DDR2: variants seen among roughly 807,000 people sequenced by gnomAD.
DDR2 encodes the protein discoidin domain receptor tyrosine kinase 2.
A neutral mutation model predicts 94.9 loss-of-function variants in DDR2; 27 were observed. That is an observed-to-expected ratio of 0.28 (90% confidence interval 0.21 to 0.39). DDR2 has a LOEUF of 0.39. Ranked by LOEUF, DDR2 falls within the 10% of genes least tolerant of loss-of-function variation. The pLI is 1.00. For missense variants in DDR2, 783 were observed against 1,076.0 expected (o/e 0.73, Z 3.81); for synonymous variants, 382 against 377.2 (o/e 1.01, Z -0.15).
intron 7 of DDR2, among the ~76,000 whole-genome samples, chr1:162,758,305 A>G (rs913759720): frequency 6.6e-6 from 1 of 152,222 alleles, no homozygotes; most frequent in Non-Finnish European, 1.5e-5. Context: ...GTCTCAGGAA[A>G]TAGTCATATT....
rs536236353 is a variant in DDR2 at position 162,698,452 on chromosome 1, G to A, written c.-27-20585G>A. ...TGTCTTATCTCGCTGCCACTTCCAG[G>A]CCTGCACATTATAGGCAATATATTT... On this transcript the variant is annotated intron_variant, in intron 2 of 17. Transcript: ENST00000367921. 3.9e-5 allele frequency among the ~76,000 whole-genome samples: 6 copies of A among 152,198 alleles called. No homozygotes were observed. The East Asian group carries it at 9.6e-4, about 24-fold the overall frequency.
chr1:162,699,271 T>G (rs2101991191), intron 2 of DDR2, among the ~76,000 whole-genome samples: 1 of 152,374 alleles, frequency 6.6e-6, no homozygotes, highest in African/African-American at 2.4e-5. Context: ...ATCTGAACAC[T>G]TTCCTTGCTA....
chr1:162,718,762 A>G (rs1182011498), intron 2 of DDR2, among the ~76,000 whole-genome samples: 1 of 152,216 alleles, frequency 6.6e-6, no homozygotes, highest in Non-Finnish European at 1.5e-5. Context: ...GTAAGTATTT[A>G]TCTTAGGAAA....
At chr1:162,749,651 T>C (rs562376414) in intron 3 of DDR2, among the ~76,000 whole-genome samples, 11 of 152,304 alleles carry the variant, frequency 7.2e-5, no homozygotes, top group Non-Finnish European at 1.5e-4. Flanking sequence ...CCCTAACTCA[T>C]TTTATAAGGC....
chr1:162,760,015 G>A, intron 8 of DDR2, 36 bp downstream of exon 8: 1 of 1,613,876 alleles, frequency 6.2e-7, no homozygotes, highest in Non-Finnish European at 8.5e-7. Context: ...CTTCTTTAAG[G>A]AGGCACAAAT....
intron 16 of DDR2, among the ~76,000 whole-genome samples, chr1:162,778,350 T>C (rs1647704684): frequency 6.6e-6 from 1 of 152,180 alleles, no homozygotes; most frequent in Non-Finnish European, 1.5e-5. Context: ...AAATAGCTTA[T>C]GGCTGCGTTT....
intron 16 of DDR2, 105 bp downstream of exon 16, chr1:162,776,475 C>A (rs1350059189): frequency 1.0e-6 from 1 of 968,878 alleles, no homozygotes; most frequent in Non-Finnish European, 1.6e-6. Flanking sequence ...ACTCAATAGA[C>A]TGTAGTATTT....
chr1:162,770,746 G>GA (rs201637277), intron 12 of DDR2: 5 of 632,478 alleles, frequency 7.9e-6, no homozygotes, highest in South Asian at 3.4e-5. Context: ...AGAAAAGAAA[G>GA]AAAAAAATAA....
intron 3 of DDR2, among the ~76,000 whole-genome samples, chr1:162,721,270 A>C (rs1043427322): frequency 6.6e-6 from 1 of 152,210 alleles, no homozygotes; most frequent in African/African-American, 2.4e-5. Context: ...GCCCTGGAGC[A>C]GGAAATGGGC....
At position 162,656,833 on chromosome 1, in the gene DDR2, G is replaced by GTTTTGTTTTTT. The variant is rs1558008740; in HGVS notation, c.-28+1463_-28+1464insGTTTTTTTTTT. Among the ~76,000 whole-genome samples, 95 of 65,692 alleles carry GTTTTGTTTTTT rather than the reference G, an allele frequency of 1.4e-3. 3 individuals are homozygous for GTTTTGTTTTTT. Among genetic ancestry groups the GTTTTGTTTTTT allele is most frequent in the Non-Finnish European group, 2.5e-3 (85 of 33,376 alleles). The allele number at this position is 65,692 out of a possible 152,430, so 43.1% of individuals were successfully genotyped here. On this transcript the variant is annotated intron_variant, in intron 2 of 17. Transcript: ENST00000367921. ...GGTCTTTTCTTCCCCTGCCACTGGA[G>GTTTTGTTTTTT]TTTTTTTTTTTTTTTTATTTTTTTT...
At chr1:162,683,437 C>T (rs1659510177) in intron 2 of DDR2, among the ~76,000 whole-genome samples, 1 of 152,074 alleles carries the variant, frequency 6.6e-6, no homozygotes, top group Non-Finnish European at 1.5e-5. Flanking sequence ...TTACAAAAAA[C>T]TCTCCTAGAA....
At position 162,775,807 on chromosome 1, in the gene DDR2, C is replaced by T. The variant is rs748984839; in HGVS notation, c.2012C>T (p.Pro671Leu). The T allele has an allele frequency of 3.1e-6, 5 of 1,614,058 alleles. No homozygotes were observed. The African/African-American group carries it at 4.0e-5, about 13-fold the overall frequency. The change falls in exon 15 of 18, where the codon CCC (proline) becomes CTC (leucine). Residue 671 changes from proline (P) to leucine (L), a missense_variant. Pro to Leu is a moderately conservative substitution (Grantham distance 98). Transcript: ENST00000367921. Reference sequence around the variant, plus strand: ...AATCAGTTTCTTTCCCGCCACGAGCCCCCTAATTCTTCCTCCAGCGATGTA... The same window carrying T: ...AATCAGTTTCTTTCCCGCCACGAGCTCCCTAATTCTTCCTCCAGCGATGTA... The part of the protein sequence containing the change: ...DLNQFLSRHE[P>L]PNSSSSDVRT...
chr1:162,747,121 A>G (rs916605750), intron 3 of DDR2, among the ~76,000 whole-genome samples: 1 of 152,222 alleles, frequency 6.6e-6, no homozygotes, highest in East Asian at 1.9e-4. Flanking sequence ...CTCCAAAGGA[A>G]CACAGCTCCT....
chr1:162,638,012 C>CT (rs1008163296), intron 1 of DDR2, among the ~76,000 whole-genome samples: 4 of 151,918 alleles, frequency 2.6e-5, no homozygotes, highest in Non-Finnish European at 4.4e-5. Flanking sequence ...TGGGACTGTA[C>CT]TTTTTTTTAA....
intron 3 of DDR2, among the ~76,000 whole-genome samples, chr1:162,745,426 T>C (rs1571278624): frequency 1.3e-5 from 2 of 152,214 alleles, no homozygotes; most frequent in South Asian, 4.1e-4. Flanking sequence ...GTTTTTTTCA[T>C]GTATCTTCTT....
At chr1:162,697,189 A>T (rs1660232518) in intron 2 of DDR2, among the ~76,000 whole-genome samples, 1 of 152,142 alleles carries the variant, frequency 6.6e-6, no homozygotes. Context: ...TTAATGGATA[A>T]AGACTATTGG....
Position 162,770,193 on chromosome 1 carries a change from C to T in DDR2, c.1294-109C>T. On this transcript the variant is annotated intron_variant, in intron 11 of 17. Transcript: ENST00000367921. The stretch of plus-strand genomic sequence containing the variant: ...CACGTGCAGTGTTGCTGGGGTTAAA[C>T]AGTAGTAAAGAGTTATTTCATTTGA... 1 of 1,082,444 alleles carries T rather than the reference C, an allele frequency of 9.2e-7. No homozygotes were observed. The highest frequency in any genetic ancestry group is 1.4e-6 in the Non-Finnish European group (1 of 705,934). 67.1% of individuals were successfully genotyped at this position (1,082,444 alleles called of 1,614,324 possible).
At position 162,767,260 on chromosome 1, in the gene DDR2, T is replaced by G; in HGVS notation, c.1194T>G (p.Thr398=). 6.2e-7 allele frequency: 1 copy of G among 1,614,090 alleles called. No homozygotes were observed. Among genetic ancestry groups the G allele is most frequent in the East Asian group, 2.2e-5 (1 of 44,872 alleles). The change falls in exon 11 of 18, where the codon ACT becomes ACG. Residue 398 remains threonine (T), a synonymous_variant. Coordinates refer to ENST00000367921, the MANE Select transcript of DDR2 (RefSeq NM_006182.4). ...TGCTTAAAGTTGATGACAGCAACACTCGGATCCTGATTGGCTGCTTGGTGG... is the reference window on the plus strand; with the variant it reads ...TGCTTAAAGTTGATGACAGCAACACGCGGATCCTGATTGGCTGCTTGGTGG... ...DPMLKVDDSN[T]RILIGCLVAI...
At chr1:162,728,534 G>T (rs1661835046) in intron 3 of DDR2, among the ~76,000 whole-genome samples, 1 of 152,134 alleles carries the variant, frequency 6.6e-6, no homozygotes, top group Non-Finnish European at 1.5e-5. Flanking sequence ...GGGATCCTCA[G>T]TATATGACAA....
Sources: gnomAD v4.1 joint callset for allele counts (sites outside exome capture counted in the v4.1 genomes callset) on GRCh38, gnomAD v4.1.1 for gene constraint, MANE v1.5 for transcripts, NCBI Gene and HGNC (gene_info 2026-07-23, HGNC 2026-07-21) for gene names.